The following DAAM1 variants were observed in gnomAD, a reference collection of about 807,000 sequenced individuals.
DAAM1 encodes the protein disheveled-associated activator of morphogenesis 1.
Under a neutral mutation model 130.0 loss-of-function variants are expected in DAAM1, and 52 were observed. The observed-to-expected ratio is 0.40, with a 90% CI of 0.32 to 0.50. DAAM1 has a LOEUF of 0.50. DAAM1 is among the 20% of genes least tolerant of loss of function. The pLI is 0.61. For synonymous variants in DAAM1, 452 were observed against 444.5 expected, an observed-to-expected ratio of 1.02 and a Z score of -0.21; for missense variants, 1,134 against 1,303.8, an observed-to-expected ratio of 0.87 and a Z score of 2.01.
intron 16 of DAAM1, among the ~76,000 whole-genome samples, chr14:59,342,500 T>G (rs1427935607): frequency 6.6e-6 from 1 of 152,206 alleles, no homozygotes; most frequent in Non-Finnish European, 1.5e-5. Flanking sequence ...CCTTTTTTGT[T>G]GGCAATTTAT....
intron 22 of DAAM1, chr14:59,363,130 A>G (rs1886776618): frequency 6.4e-6 from 1 of 156,246 alleles, no homozygotes; most frequent in Non-Finnish European, 1.4e-5. Context: ...CCAATATGGT[A>G]TGGACAAGAG....
chr14:59,369,366 T>TGACA lies in DAAM1; in HGVS notation c.*508_*511dup, dbSNP rs1887055060. The TGACA allele has an allele frequency of 6.5e-6, 1 of 153,174 alleles. No homozygotes were observed. Among genetic ancestry groups the TGACA allele is most frequent in the African/African-American group, 2.4e-5 (1 of 41,470 alleles). The allele number at this position is 153,174 out of a possible 1,614,324, so 9.5% of individuals were successfully genotyped here. ...TAGATTTAAAATGATTTTTGATAGC[T>TGACA]GACATTGTGATGTTGATGTATCACA... On this transcript the variant is annotated 3_prime_UTR_variant, in exon 25 of 25. Transcript: ENST00000360909.
intron 6 of DAAM1, among the ~76,000 whole-genome samples, 170 bp from the exon 7 acceptor site, chr14:59,323,958 G>A (rs888041093): frequency 6.6e-6 from 1 of 152,026 alleles, no homozygotes; most frequent in Non-Finnish European, 1.5e-5. Context: ...CGTGAACCCG[G>A]GAGGTGGAGG....
Position 59,350,288 on chromosome 14 carries a change from C to G in DAAM1, c.2161-2238C>G, listed in dbSNP as rs139728721. Among the ~76,000 whole-genome samples, 35 of 152,092 alleles carry G rather than the reference C, an allele frequency of 2.3e-4. No homozygotes were observed. The East Asian group carries it at 6.2e-3, about 27-fold the overall frequency. ...TCAGGACCCCAGCTGGATTGACTGC[C>G]CCCTTCTCTATATCTGCAACCTCGC... On this transcript the variant is annotated intron_variant, in intron 17 of 24. Transcript: ENST00000360909.
chr14:59,206,672 G>A (rs1881280546), intron 1 of DAAM1, among the ~76,000 whole-genome samples: 1 of 152,200 alleles, frequency 6.6e-6, no homozygotes, highest in Non-Finnish European at 1.5e-5. Flanking sequence ...AATGCCGGGT[G>A]TAAACAGTAG....
intron 1 of DAAM1, among the ~76,000 whole-genome samples, chr14:59,207,137 T>A (rs774928487): frequency 5.3e-5 from 8 of 152,264 alleles, no homozygotes; most frequent in Non-Finnish European, 1.2e-4. Context: ...TATGTCTGCC[T>A]GTGTATCTGT....
chr14:59,355,065 GTTA>G, intron 19 of DAAM1, 97 bp from the exon 20 acceptor site: 3 of 1,454,474 alleles, frequency 2.1e-6, no homozygotes, highest in Non-Finnish European at 2.8e-6. Flanking sequence ...TTCAATATCT[GTTA>G]TTAAGTGTGT....
chr14:59,346,716 T>A (rs1410330478), intron 16 of DAAM1, among the ~76,000 whole-genome samples: 1 of 152,222 alleles, frequency 6.6e-6, no homozygotes, highest in Non-Finnish European at 1.5e-5. Context: ...AGACTATTGT[T>A]ATATCTAATA....
At chr14:59,368,304 G>C (rs1208030488) in intron 24 of DAAM1, among the ~76,000 whole-genome samples, 2 of 152,078 alleles carry the variant, frequency 1.3e-5, no homozygotes, top group East Asian at 3.8e-4. Context: ...ATTTGCTTTA[G>C]TTATTTGGGG....
At chr14:59,334,708 T>C (rs1376228469) in intron 15 of DAAM1, among the ~76,000 whole-genome samples, 1 of 152,216 alleles carries the variant, frequency 6.6e-6, no homozygotes, top group Non-Finnish European at 1.5e-5. Context: ...CACACACATA[T>C]ATGCTTACAC....
chr14:59,245,176 T>G (rs766991643), intron 1 of DAAM1, among the ~76,000 whole-genome samples: 7 of 152,234 alleles, frequency 4.6e-5, no homozygotes, highest in African/African-American at 7.2e-5. Flanking sequence ...AAGACTAATT[T>G]TCCTCCCTTT....
intron 23 of DAAM1, among the ~76,000 whole-genome samples, chr14:59,366,896 G>A (rs35779477): frequency 0.39 from 59,362 of 150,558 alleles, 13,739 homozygotes; most frequent in East Asian, 0.84. Context: ...TCCAACCTGG[G>A]TAACATGTAA....
At chr14:59,292,396 C>G (rs78271461) in intron 3 of DAAM1, among the ~76,000 whole-genome samples, 1 of 152,156 alleles carries the variant, frequency 6.6e-6, no homozygotes, top group Admixed American at 6.5e-5. Context: ...CATCTGCCCC[C>G]CTTTGCTATC....
intron 2 of DAAM1, among the ~76,000 whole-genome samples, chr14:59,282,987 G>A (rs766469158): frequency 3.9e-5 from 6 of 152,014 alleles, no homozygotes; most frequent in Non-Finnish European, 7.4e-5. Context: ...GTTCATATGT[G>A]TTCTTTCAAT....
intron 3 of DAAM1, among the ~76,000 whole-genome samples, chr14:59,314,474 T>A (rs1884709866): frequency 1.4e-5 from 2 of 147,740 alleles, no homozygotes; most frequent in African/African-American, 4.9e-5. Flanking sequence ...CAGCCACTGA[T>A]AACTGATTTT....
intron 17 of DAAM1, among the ~76,000 whole-genome samples, chr14:59,350,745 T>C (rs755433554): frequency 6.6e-6 from 1 of 152,180 alleles, no homozygotes; most frequent in Non-Finnish European, 1.5e-5. Flanking sequence ...TGTCTTCCCA[T>C]GGCCCTGTGA....
chr14:59,271,639 A>G (rs975268903), intron 2 of DAAM1, among the ~76,000 whole-genome samples: 8 of 152,214 alleles, frequency 5.3e-5, no homozygotes, highest in Admixed American at 3.3e-4. Context: ...GAGCTACAGG[A>G]ACCCAAATGA....
chr14:59,316,435 A>T (rs2139607662), intron 4 of DAAM1, among the ~76,000 whole-genome samples: 1 of 152,286 alleles, frequency 6.6e-6, no homozygotes, highest in East Asian at 1.9e-4. Flanking sequence ...CTTTTTTCTT[A>T]CAAGATGCTT....
chr14:59,202,952 G>T (rs1315004759), intron 1 of DAAM1, among the ~76,000 whole-genome samples: 2 of 151,316 alleles, frequency 1.3e-5, no homozygotes, highest in Non-Finnish European at 2.9e-5. Context: ...GCATAGCGTA[G>T]TATTGAAGAA....
Sources: allele counts gnomAD v4.1 joint callset (sites outside exome capture counted in the v4.1 genomes callset), GRCh38; gene constraint gnomAD v4.1.1; transcripts MANE v1.5; gene names NCBI Gene and HGNC (gene_info 2026-07-23, HGNC 2026-07-21).